The following AOPEP variants were observed in gnomAD, a reference collection of about 807,000 sequenced individuals.
AOPEP encodes aminopeptidase O.
Under a neutral mutation model 98.1 loss-of-function variants are expected in AOPEP, and 77 were observed. The ratio of observed to expected loss-of-function variants is 0.78; its 90% CI spans 0.65 to 0.95. AOPEP has a LOEUF of 0.95. Ranked by LOEUF, AOPEP falls within the 40% of genes least tolerant of loss-of-function variation. The probability of loss-of-function intolerance (pLI) is 0.00; values close to 1 mark genes in which losing one functional copy is unlikely to be tolerated. For missense variants in AOPEP, 1,024 were observed against 1,024.7 expected, an observed-to-expected ratio of 1.00 and a Z score of 0.01; for synonymous variants, 346 against 365.3, an observed-to-expected ratio of 0.95 and a Z score of 0.60.
At chr9:94,728,247 A>G (rs898777990) in intron 1 of AOPEP, among the ~76,000 whole-genome samples, 11 of 145,772 alleles carry the variant, frequency 7.5e-5, no homozygotes, top group East Asian at 6.0e-4. Flanking sequence ...ATGCACACAC[A>G]CACACACACA....
At chr9:95,097,516 G>T in the AOPEP span, among the ~76,000 whole-genome samples, 1 of 152,234 alleles carries the variant, frequency 6.6e-6, no homozygotes, top group Non-Finnish European at 1.5e-5. Flanking sequence ...GAAGGGCTGG[G>T]CAGCACGACT....
At chr9:95,066,597 G>A (rs10123819) in intron 14 of AOPEP, among the ~76,000 whole-genome samples, 119,183 of 152,008 alleles carry the variant, frequency 0.78, 48,218 homozygotes, top group Non-Finnish European at 0.89. Context: ...GTTGCAGAGT[G>A]TCCCTGCCGT....
intron 5 of AOPEP, among the ~76,000 whole-genome samples, chr9:94,845,857 C>G (rs1226564270): frequency 6.6e-6 from 1 of 151,978 alleles, no homozygotes. Flanking sequence ...CTTTGGGAGG[C>G]CAAGGTGGGG....
At chr9:95,117,006 T>C in the AOPEP span, among the ~76,000 whole-genome samples, 2 of 152,378 alleles carry the variant, frequency 1.3e-5, no homozygotes, top group South Asian at 4.1e-4. Flanking sequence ...AGCCTGTTCC[T>C]GGCATCTGGT....
intron 5 of AOPEP, among the ~76,000 whole-genome samples, chr9:94,852,938 A>G (rs1366225927): frequency 1.3e-5 from 2 of 152,184 alleles, no homozygotes; most frequent in Non-Finnish European, 2.9e-5. Flanking sequence ...TTCTACGCCA[A>G]TTCCAAAAAA....
chr9:94,955,800 A>G (rs571342207), intron 8 of AOPEP, 108 bp from the exon 9 acceptor site: 6 of 701,634 alleles, frequency 8.6e-6, no homozygotes, highest in Admixed American at 6.9e-5. Context: ...AGGACGGCAC[A>G]TTCTAGATGC....
the AOPEP span, among the ~76,000 whole-genome samples, chr9:95,112,145 G>A: frequency 1.3e-5 from 2 of 152,238 alleles, no homozygotes. Flanking sequence ...TGAAGTGTTT[G>A]TGAAGCTATC....
chr9:95,005,186 C>A lies in AOPEP; in HGVS notation c.2006C>A (p.Ala669Glu), dbSNP rs1345944414. Reference protein sequence around the residue: ...KPLQRERRAGAECGLARQVRA... With the variant: ...KPLQRERRAGEECGLARQVRA... ...CTGCAGAGGGAGCGTCGCGCCGGGG[C>A]GGAGTGCGGGCTTGCGCGGCAAGTG... The change falls in exon 12 of 17, where the codon GCG becomes GAG. Residue 669 changes from alanine (A) to glutamate (E), a missense_variant. Transcript: ENST00000375315. 2 of 1,148,888 alleles carry A rather than the reference C, an allele frequency of 1.7e-6. No homozygotes were observed. Among genetic ancestry groups the A allele is most frequent in the Non-Finnish European group, 1.1e-6 (1 of 931,432 alleles). The allele number at this position is 1,148,888 out of a possible 1,614,324, so 71.2% of individuals were successfully genotyped here.
At chr9:95,096,560 G>A in the AOPEP span, among the ~76,000 whole-genome samples, 2 of 152,186 alleles carry the variant, frequency 1.3e-5, no homozygotes, top group African/African-American at 2.4e-5. Flanking sequence ...GGGCAGGTGT[G>A]GTCCCTCTGC....
At chr9:95,120,836 G>A in the AOPEP span, among the ~76,000 whole-genome samples, 8 of 152,126 alleles carry the variant, frequency 5.3e-5, no homozygotes, top group Admixed American at 1.3e-4. Context: ...TTGGGTTTAG[G>A]TCTATCTTTT....
chr9:95,066,056 A>C (rs1215883964), intron 14 of AOPEP, among the ~76,000 whole-genome samples: 1 of 152,224 alleles, frequency 6.6e-6, no homozygotes, highest in African/African-American at 2.4e-5. Context: ...GTCTTTAGTT[A>C]CTTTAGACAT....
At position 94,759,788 on chromosome 9, in the gene AOPEP, A is replaced by T; in HGVS notation, c.5A>T (p.Asp2Val). ...CCTCAAACAATAAACCACATCATGGACATACAGCTGGACCCTGCCAGAGAT... is the reference window on the plus strand; with the variant it reads ...CCTCAAACAATAAACCACATCATGGTCATACAGCTGGACCCTGCCAGAGAT... M[D>V]IQLDPARDDL... is the part of the protein sequence containing the mutation. Residue 2 changes from aspartate to valine, a missense_variant, in exon 2 of 17, where the codon GAC becomes GTC. By Grantham distance (152) the Asp-to-Val change is radical. Transcript: ENST00000375315. The T allele has an allele frequency of 6.2e-7, 1 of 1,612,746 alleles. No individual in the cohort carries two copies. The highest frequency in any genetic ancestry group is 8.5e-7 in the Non-Finnish European group (1 of 1,179,342).
At chr9:95,071,546 G>C (rs566282744) in intron 14 of AOPEP, among the ~76,000 whole-genome samples, 2 of 152,254 alleles carry the variant, frequency 1.3e-5, no homozygotes, top group South Asian at 4.2e-4. Flanking sequence ...TTCTAAGCAT[G>C]GTGACGAGCA....
intron 4 of AOPEP, among the ~76,000 whole-genome samples, chr9:94,795,408 G>T (rs1483362689): frequency 2.6e-5 from 4 of 152,052 alleles, no homozygotes. Flanking sequence ...TTGGTGGTTG[G>T]ATATACCTCT....
intron 5 of AOPEP, among the ~76,000 whole-genome samples, chr9:94,811,289 A>G (rs760626691): frequency 1.3e-5 from 2 of 152,120 alleles, no homozygotes; most frequent in African/African-American, 2.4e-5. Context: ...ACCCACCTGG[A>G]AGATATTATG....
the AOPEP span, among the ~76,000 whole-genome samples, chr9:95,112,486 G>C: frequency 6.6e-6 from 1 of 152,194 alleles, no homozygotes; most frequent in Non-Finnish European, 1.5e-5. Flanking sequence ...AGAACAAGTG[G>C]TTAAATGTTC....
the AOPEP span, among the ~76,000 whole-genome samples, chr9:95,116,606 G>A: frequency 8.6e-4 from 131 of 152,266 alleles, no homozygotes; most frequent in Non-Finnish European, 1.2e-3. Flanking sequence ...TCTGGCTGGC[G>A]CAGTCTGTGC....
intron 3 of AOPEP, among the ~76,000 whole-genome samples, chr9:94,782,392 G>A (rs968263566): frequency 6.6e-6 from 1 of 152,128 alleles, no homozygotes; most frequent in African/African-American, 2.4e-5. Context: ...AAGTAAGACT[G>A]TAGACATTAC....
chr9:94,764,423 G>C (rs1458808914), intron 2 of AOPEP, among the ~76,000 whole-genome samples: 1 of 152,198 alleles, frequency 6.6e-6, no homozygotes, highest in Non-Finnish European at 1.5e-5. Flanking sequence ...GAGGTGGGCA[G>C]ATCACTTGAG....
Sources: gnomAD v4.1 joint callset for allele counts (sites outside exome capture counted in the v4.1 genomes callset) on GRCh38, gnomAD v4.1.1 for gene constraint, MANE v1.5 for transcripts, NCBI Gene and HGNC (gene_info 2026-07-23, HGNC 2026-07-21) for gene names.